Variants in ZNF723 observed in about 807,000 individuals in gnomAD.
The protein encoded by ZNF723 is zinc finger protein 723.
In ZNF723, 5 loss-of-function variants were observed where a neutral mutation model predicts 9.4. That is an observed-to-expected ratio of 0.53 (90% CI 0.28 to 1.12). ZNF723 has a LOEUF of 1.12. ZNF723 is among the 50% of genes most tolerant of loss of function. ZNF723 has a pLI of 0.10. For synonymous variants in ZNF723, 158 were observed against 168.8 expected (o/e 0.94, Z 0.49); for missense variants, 450 against 501.5 (o/e 0.90, Z 0.98).
upstream of ZNF723, among the ~76,000 whole-genome samples, chr19:22,827,507 G>T (rs57846397): frequency 6.6e-6 from 1 of 151,918 alleles, no homozygotes; most frequent in Non-Finnish European, 1.5e-5. Context: ...GAGAGCAGTG[G>T]CATGATCTTG....
chr19:22,835,369 T>C (rs796343865), intron 1 of ZNF723, among the ~76,000 whole-genome samples: 1 of 152,076 alleles, frequency 6.6e-6, no homozygotes, highest in African/African-American at 2.4e-5. Flanking sequence ...TTGAAAAGAT[T>C]TGTTTGCTTA....
chr19:22,849,067 A>G (rs924434716), intron 2 of ZNF723, 131 bp from the exon 3 acceptor site: 2 of 364,762 alleles, frequency 5.5e-6, no homozygotes, highest in Non-Finnish European at 9.9e-6. Context: ...TTTTCTAAAT[A>G]TTAAGAAATT....
At chr19:22,819,691 C>T in the ZNF723 span, among the ~76,000 whole-genome samples, 3 of 152,320 alleles carry the variant, frequency 2.0e-5, no homozygotes, top group Middle Eastern at 3.4e-3. Flanking sequence ...TGGCCTCTGA[C>T]GTACAATATG....
chr19:22,832,195 C>A, upstream of ZNF723: 1 of 574,718 alleles, frequency 1.7e-6, no homozygotes, highest in Non-Finnish European at 2.8e-6. Flanking sequence ...ATGGGCGGGG[C>A]CTTAAACGGC....
At position 22,858,383 on chromosome 19, in the gene ZNF723, A is replaced by G. The variant is rs560861142; in HGVS notation, c.1492A>G (p.Arg498Gly). ...KAFNKSSILNRHKIIHTKEKS... is the reference protein window; with the variant it reads ...KAFNKSSILNGHKIIHTKEKS... ...CTTTAACAAGTCCTCAATTCTTAAC[A>G]GACATAAGATAATTCATACTAAAGA... is the stretch of plus-strand genomic sequence containing the variant. The change falls in exon 4 of 4, where the codon AGA (arginine) becomes GGA (glycine). Residue 498 changes from arginine (R) to glycine (G), a missense_variant. Arg to Gly is a moderately radical substitution (Grantham distance 125). Coordinates refer to ENST00000600766, the MANE Select transcript of ZNF723 (RefSeq NM_001349726.2). 11 of 837,568 alleles carry G rather than the reference A, an allele frequency of 1.3e-5. No individual in the cohort carries two copies. The highest frequency in any genetic ancestry group is 4.5e-4 in the Middle Eastern group (2 of 4,418). 51.9% of individuals were successfully genotyped at this position (837,568 alleles called of 1,614,324 possible).
chr19:22,858,133 A>C lies in ZNF723; in HGVS notation c.1242A>C (p.Thr414=), dbSNP rs61739926. The change falls in exon 4 of 4, where the codon ACA becomes ACC. Residue 414 remains threonine (T), a synonymous_variant. Transcript: ENST00000600766. ...TTAACCAATCCTCAGCCCTTACTACACATAAGATAATTCATACTGGAGAAA... is the reference window on the plus strand; with the variant it reads ...TTAACCAATCCTCAGCCCTTACTACCCATAAGATAATTCATACTGGAGAAA... The part of the protein sequence containing the change: ...KAFNQSSALT[T]HKIIHTGERP... The C allele has an allele frequency of 1.9e-4, 277 of 1,439,308 alleles. No homozygotes were observed. The highest frequency in any genetic ancestry group is 2.0e-4 in the Non-Finnish European group (202 of 1,022,376). 89.2% of individuals were successfully genotyped at this position (1,439,308 alleles called of 1,614,324 possible).
chr19:22,830,981 T>C (rs140257504), upstream of ZNF723, among the ~76,000 whole-genome samples: 382 of 152,196 alleles, frequency 2.5e-3, 3 homozygotes, highest in African/African-American at 8.4e-3. Flanking sequence ...CAGGCTGGTC[T>C]TGAACTCCTG....
the ZNF723 span, among the ~76,000 whole-genome samples, chr19:22,815,521 G>C: frequency 6.6e-6 from 1 of 152,148 alleles, no homozygotes; most frequent in Non-Finnish European, 1.5e-5. Context: ...TGACTCCCGC[G>C]TGGTTTCTGC....
At chr19:22,826,704 T>C in the ZNF723 span, among the ~76,000 whole-genome samples, 2 of 152,212 alleles carry the variant, frequency 1.3e-5, no homozygotes, top group Non-Finnish European at 2.9e-5. Context: ...ACAGGAATGG[T>C]GATAACTGTC....
At chr19:22,819,050 T>G in the ZNF723 span, among the ~76,000 whole-genome samples, 1 of 152,194 alleles carries the variant, frequency 6.6e-6, no homozygotes, top group Non-Finnish European at 1.5e-5. Context: ...CTAGCTGATA[T>G]GATTCTTCTT....
At chr19:22,843,345 A>C (rs1365082144) in intron 1 of ZNF723, among the ~76,000 whole-genome samples, 4 of 152,136 alleles carry the variant, frequency 2.6e-5, no homozygotes, top group African/African-American at 9.7e-5. Flanking sequence ...AAAGTGGTTA[A>C]TTCTGCTTCT....
chr19:22,839,036 C>A (rs986956188), intron 1 of ZNF723, among the ~76,000 whole-genome samples: 1 of 152,100 alleles, frequency 6.6e-6, no homozygotes, highest in African/African-American at 2.4e-5. Flanking sequence ...CATGAGCCAC[C>A]ACGCCCGGCC....
upstream of ZNF723, among the ~76,000 whole-genome samples, chr19:22,830,196 C>G (rs1345196093): frequency 1.3e-5 from 2 of 152,142 alleles, no homozygotes; most frequent in Non-Finnish European, 2.9e-5. Context: ...GAGACAGTGT[C>G]TCACTCTTTT....
At chr19:22,835,505 C>T (rs1462249211) in intron 1 of ZNF723, among the ~76,000 whole-genome samples, 2 of 152,026 alleles carry the variant, frequency 1.3e-5, no homozygotes, top group Non-Finnish European at 2.9e-5. Flanking sequence ...GTTAAGAGTT[C>T]GCATTTACCG....
At chr19:22,831,880 C>T (rs1320399873), upstream of ZNF723, among the ~76,000 whole-genome samples, 2 of 151,306 alleles carry the variant, frequency 1.3e-5, no homozygotes, top group Non-Finnish European at 3.0e-5. Context: ...GGCACTCCAT[C>T]CTGGGCGACA....
At position 22,857,872 on chromosome 19, in the gene ZNF723, C is replaced by T. The variant is rs1021349546; in HGVS notation, c.981C>T (p.His327=). The T allele has an allele frequency of 7.8e-6, 11 of 1,411,810 alleles. No homozygotes were observed. The highest frequency in any genetic ancestry group is 9.0e-6 in the Non-Finnish European group (9 of 996,770). 87.5% of individuals were successfully genotyped at this position (1,411,810 alleles called of 1,614,324 possible). A position where few individuals can be genotyped will look rare whatever the true frequency, so the allele number is the denominator to read the frequency against. The change falls in exon 4 of 4, where the codon CAC becomes CAT. Residue 327 remains histidine, a synonymous_variant. Transcript: ENST00000600766. ...GCAAAGCCTTTAACCAGCCCTCACACCTTGCTACACATAAGAGAATTCATA... is the reference window on the plus strand; with the variant it reads ...GCAAAGCCTTTAACCAGCCCTCACATCTTGCTACACATAAGAGAATTCATA... ...ECGKAFNQPS[H]LATHKRIHTG... is the part of the protein sequence containing the mutation.
intron 3 of ZNF723, among the ~76,000 whole-genome samples, chr19:22,849,799 T>C (rs1293956056): frequency 5.3e-5 from 8 of 151,946 alleles, no homozygotes; most frequent in Non-Finnish European, 1.2e-4. Flanking sequence ...ATCCCAGCTA[T>C]TTGGTAGGCT....
the ZNF723 span, among the ~76,000 whole-genome samples, chr19:22,814,377 T>C: frequency 2.6e-5 from 4 of 152,178 alleles, no homozygotes; most frequent in African/African-American, 9.6e-5. Flanking sequence ...CAGTAAAGAC[T>C]GTCATTCTCC....
chr19:22,813,077 G>T, the ZNF723 span, among the ~76,000 whole-genome samples: 1 of 151,988 alleles, frequency 6.6e-6, no homozygotes, highest in South Asian at 2.1e-4. Context: ...GGGTTCAAGC[G>T]ATTCTCTTGC....
Sources: gnomAD v4.1 joint callset for allele counts (sites outside exome capture counted in the v4.1 genomes callset) on GRCh38, gnomAD v4.1.1 for gene constraint, MANE v1.5 for transcripts, NCBI Gene and HGNC (gene_info 2026-07-23, HGNC 2026-07-21) for gene names.